The following JADE1 variants were observed in gnomAD, a reference collection of about 807,000 sequenced individuals.
JADE1 encodes protein Jade-1.
JADE1 carries 14 observed loss-of-function variants against 81.8 expected under a neutral mutation model. That is an observed-to-expected ratio of 0.17 (90% CI 0.11 to 0.27). JADE1 has a LOEUF of 0.27. JADE1 is among the 10% of genes least tolerant of loss of function. JADE1 has a pLI of 1.00. For synonymous variants in JADE1, 353 were observed against 391.9 expected (o/e 0.90, Z 1.17); for missense variants, 690 against 1,047.9 (o/e 0.66, Z 4.71).
intron 3 of JADE1, among the ~76,000 whole-genome samples, chr4:128,843,856 A>G (rs1224316966): frequency 6.6e-6 from 1 of 152,174 alleles, no homozygotes; most frequent in Non-Finnish European, 1.5e-5. Flanking sequence ...CCAGGCTCTA[A>G]TAGGGAACGT....
At chr4:128,865,694 T>C (rs958195203) in intron 9 of JADE1, among the ~76,000 whole-genome samples, 1 of 152,116 alleles carries the variant, frequency 6.6e-6, no homozygotes, top group African/African-American at 2.4e-5. Flanking sequence ...GCCCTTTGCT[T>C]TTTGGGTTTA....
rs1732317015 is a variant in JADE1, at chr4:128,873,194, A to G, written c.*932A>G. ...TGGTGACTGTTACTTCCCAGAGCCA[A>G]CCACTAGTGCATATGTTAGGGAATC... On this transcript the variant is annotated 3_prime_UTR_variant, in exon 11 of 11. Transcript: ENST00000226319. 1 of 164,454 alleles carries G rather than the reference A, an allele frequency of 6.1e-6. No individual in the cohort carries two copies. The highest frequency in any genetic ancestry group is 1.3e-5 in the Non-Finnish European group (1 of 75,248). The allele number at this position is 164,454 out of a possible 1,614,324, so 10.2% of individuals were successfully genotyped here. A position where few individuals can be genotyped will look rare whatever the true frequency, so the allele number is the denominator to read the frequency against.
In JADE1 at chr4:128,873,638, A is replaced by AAACTT. The variant is rs1235042681; in HGVS notation, c.*1379_*1383dup. ...TTGGAATTCAATGTGGTTGTGAATC[A>AAACTT]AACTTAAGGAAGGAACGTTTAAATA... On this transcript the variant is annotated 3_prime_UTR_variant, in exon 11 of 11. Coordinates refer to ENST00000226319, the MANE Select transcript of JADE1 (RefSeq NM_199320.4). The AAACTT allele has an allele frequency of 6.6e-6, 1 of 152,456 alleles. No homozygotes were observed. Among genetic ancestry groups the AAACTT allele is most frequent in the Non-Finnish European group, 1.5e-5 (1 of 68,048 alleles). 9.4% of individuals were successfully genotyped at this position (152,456 alleles called of 1,614,324 possible). A position where few individuals can be genotyped will look rare whatever the true frequency, so the allele number is the denominator to read the frequency against.
intron 1 of JADE1, among the ~76,000 whole-genome samples, chr4:128,828,838 G>T (rs1728289631): frequency 6.6e-6 from 1 of 152,050 alleles, no homozygotes; most frequent in Admixed American, 6.6e-5. Context: ...AGAGATAGGG[G>T]TCTCCCTGTG....
At chr4:128,833,135 A>G (rs1728687004) in intron 2 of JADE1, among the ~76,000 whole-genome samples, 1 of 152,170 alleles carries the variant, frequency 6.6e-6, no homozygotes. Flanking sequence ...AGAGAAAGGT[A>G]TTAAAGGTCT....
intron 1 of JADE1, among the ~76,000 whole-genome samples, chr4:128,815,446 C>G (rs1207139688): frequency 6.6e-6 from 1 of 152,056 alleles, no homozygotes; most frequent in African/African-American, 2.4e-5. Context: ...AGGAGGCAAG[C>G]CTTTGGAAAT....
intron 2 of JADE1, among the ~76,000 whole-genome samples, chr4:128,833,155 T>C (rs1205458651): frequency 2.6e-5 from 4 of 152,142 alleles, no homozygotes; most frequent in Non-Finnish European, 4.4e-5. Flanking sequence ...TGTTTCCAAG[T>C]GCAGGCAGGT....
At chr4:128,858,975 A>G in intron 8 of JADE1, among the ~76,000 whole-genome samples, 1 of 152,220 alleles carries the variant, frequency 6.6e-6, no homozygotes, top group African/African-American at 2.4e-5. Context: ...CTAGTGTTCA[A>G]GAATCCAAAA....
chr4:128,825,985 A>T (rs1218029674), intron 1 of JADE1, among the ~76,000 whole-genome samples: 1 of 152,212 alleles, frequency 6.6e-6, no homozygotes, highest in Non-Finnish European at 1.5e-5. Context: ...TGGTCCAGCC[A>T]GGGTCTTTGG....
intron 9 of JADE1, chr4:128,862,517 C>T: frequency 8.0e-7 from 1 of 1,252,858 alleles, no homozygotes; most frequent in Non-Finnish European, 1.0e-6. Context: ...TCCCCACCCC[C>T]ATTCCTTCAT....
At chr4:128,813,241 G>T (rs1311772565) in intron 1 of JADE1, among the ~76,000 whole-genome samples, 6 of 152,132 alleles carry the variant, frequency 3.9e-5, no homozygotes, top group African/African-American at 1.4e-4. Flanking sequence ...GTCCATACTT[G>T]CATTGAGTCA....
At chr4:128,815,087 T>C (rs1286074025) in intron 1 of JADE1, among the ~76,000 whole-genome samples, 1 of 134,040 alleles carries the variant, frequency 7.5e-6, no homozygotes, top group African/African-American at 2.8e-5. Context: ...GCTTGCTCTG[T>C]CACCCAGGCT....
chr4:128,826,989 G>A (rs1728135757), intron 1 of JADE1, among the ~76,000 whole-genome samples: 1 of 152,284 alleles, frequency 6.6e-6, no homozygotes, highest in South Asian at 2.1e-4. Flanking sequence ...TGACCACTCT[G>A]TCCTATCTTA....
Position 128,857,824 on chromosome 4 carries a change from G to C in JADE1, c.981+370G>C, listed in dbSNP as rs1388717518. On this transcript the variant is annotated intron_variant, in intron 8 of 10. Transcript: ENST00000226319. Reference sequence around the variant, plus strand: ...TCCTTGACACGGCATTTGAGAGTTGGCCACCCTCCCACCTGCAGTCACTGA... The same window carrying C: ...TCCTTGACACGGCATTTGAGAGTTGCCCACCCTCCCACCTGCAGTCACTGA... Among the ~76,000 whole-genome samples the C allele has an allele frequency of 2.0e-5, 3 of 152,258 alleles. No homozygotes were observed. In the East Asian group the frequency reaches 5.8e-4, roughly 29 times the overall value.
At chr4:128,810,218 C>G (rs1026891064) in intron 1 of JADE1, 1 of 151,964 alleles carries the variant, frequency 6.6e-6, no homozygotes, top group African/African-American at 2.4e-5. Flanking sequence ...GTAACTTGGG[C>G]ATTGCCGGGG....
Position 128,831,516 on chromosome 4 carries a change from T to C in JADE1, c.-26-217T>C, listed in dbSNP as rs560551796. ...GGCATCTTTGGGAGACCTACTGATA[T>C]GTGACTTCTCCACCCCTCCCCCTCC... On this transcript the variant is annotated intron_variant, in intron 1 of 10. Transcript: ENST00000226319. 4.9e-5 allele frequency: 27 copies of C among 545,580 alleles called. 1 individual carries two copies. The highest frequency in any genetic ancestry group is 4.0e-4 in the South Asian group (18 of 45,370). 33.8% of individuals were successfully genotyped at this position (545,580 alleles called of 1,614,324 possible).
intron 3 of JADE1, among the ~76,000 whole-genome samples, chr4:128,843,813 A>G (rs1264453304): frequency 6.6e-6 from 1 of 152,206 alleles, no homozygotes; most frequent in East Asian, 1.9e-4. Flanking sequence ...CTGTAATGGC[A>G]ATGCATAGGC....
At chr4:128,825,283 G>A (rs961948864) in intron 1 of JADE1, among the ~76,000 whole-genome samples, 2 of 152,160 alleles carry the variant, frequency 1.3e-5, no homozygotes, top group African/African-American at 4.8e-5. Flanking sequence ...CAAGTGATAT[G>A]CCTGCCTCGG....
intron 9 of JADE1, chr4:128,864,284 AT>A: frequency 4.2e-6 from 2 of 471,878 alleles, no homozygotes; most frequent in Non-Finnish European, 5.5e-6. Flanking sequence ...AGTAGCTGGG[AT>A]TACAGGCGTG....
Sources: gnomAD v4.1 joint callset for allele counts (sites outside exome capture counted in the v4.1 genomes callset) on GRCh38, gnomAD v4.1.1 for gene constraint, MANE v1.5 for transcripts, NCBI Gene and HGNC (gene_info 2026-07-23, HGNC 2026-07-21) for gene names.